The following ANGPT1 variants were observed in gnomAD, a reference collection of about 807,000 sequenced individuals.
ANGPT1 encodes angiopoietin-1.
ANGPT1 carries 17 observed loss-of-function variants against 62.2 expected under a neutral mutation model. The ratio of observed to expected loss-of-function variants is 0.27; its 90% CI spans 0.19 to 0.41. The LOEUF (loss-of-function observed/expected upper bound fraction) is 0.41. Among genes scored for constraint, ANGPT1 ranks in the 10% least tolerant of loss-of-function variants. The probability of loss-of-function intolerance (pLI) is 1.00; values close to 1 mark genes in which losing one functional copy is unlikely to be tolerated. For synonymous variants in ANGPT1, 199 were observed against 198.9 expected (o/e 1.00, Z 0.00); for missense variants, 478 against 594.9 (o/e 0.80, Z 2.04).
At chr8:107,363,221 G>T (rs1017422612) in intron 1 of ANGPT1, among the ~76,000 whole-genome samples, 1 of 151,218 alleles carries the variant, frequency 6.6e-6, no homozygotes, top group Non-Finnish European at 1.5e-5. Context: ...AAAGTTTCTT[G>T]TAATGATCAA....
intron 1 of ANGPT1, among the ~76,000 whole-genome samples, chr8:107,448,189 A>G (rs1225879439): frequency 2.6e-5 from 4 of 152,222 alleles, no homozygotes; most frequent in Admixed American, 2.6e-4. Flanking sequence ...AATTACATAT[A>G]AGGACTTACT....
At chr8:107,264,476 A>G in intron 7 of ANGPT1, 125 bp from the exon 8 acceptor site, 1 of 1,219,262 alleles carries the variant, frequency 8.2e-7, no homozygotes. Flanking sequence ...AGCCCTTCCA[A>G]CAAACCTCTA....
chr8:107,354,085 C>T (rs917770018), intron 1 of ANGPT1, among the ~76,000 whole-genome samples: 6 of 152,106 alleles, frequency 3.9e-5, no homozygotes, highest in Admixed American at 3.3e-4. Context: ...CTTGTGGCTG[C>T]TGAAAGTTGC....
intron 4 of ANGPT1, among the ~76,000 whole-genome samples, chr8:107,321,342 C>T (rs1446935827): frequency 6.6e-6 from 1 of 152,220 alleles, no homozygotes; most frequent in South Asian, 2.1e-4. Flanking sequence ...CTATCCTGCA[C>T]AGGACTAAGC....
chr8:107,337,475 A>G (rs527487129), intron 2 of ANGPT1, among the ~76,000 whole-genome samples: 18 of 152,088 alleles, frequency 1.2e-4, no homozygotes, highest in African/African-American at 3.9e-4. Context: ...AAGAATGCAC[A>G]CTCCAGTCCT....
intron 1 of ANGPT1, among the ~76,000 whole-genome samples, chr8:107,427,291 C>T (rs1260241276): frequency 1.3e-5 from 2 of 152,166 alleles, no homozygotes; most frequent in Non-Finnish European, 2.9e-5. Flanking sequence ...TTTCAACGTT[C>T]CTGCACTGTC....
At chr8:107,333,721 C>T (rs1228588392) in intron 3 of ANGPT1, among the ~76,000 whole-genome samples, 2 of 151,836 alleles carry the variant, frequency 1.3e-5, no homozygotes, top group African/African-American at 4.8e-5. Context: ...CTTTTGAGAG[C>T]TTGCACCCTA....
At chr8:107,442,521 A>G (rs996108791) in intron 1 of ANGPT1, among the ~76,000 whole-genome samples, 1 of 152,206 alleles carries the variant, frequency 6.6e-6, no homozygotes, top group Non-Finnish European at 1.5e-5. Flanking sequence ...AAGAGTAAGC[A>G]AACCAAGTCC....
intron 1 of ANGPT1, among the ~76,000 whole-genome samples, chr8:107,401,212 C>G (rs1299081307): frequency 6.6e-6 from 1 of 151,814 alleles, no homozygotes; most frequent in Non-Finnish European, 1.5e-5. Flanking sequence ...ATTTTTCTAC[C>G]GTTTAGCACT....
At chr8:107,370,406 A>G (rs1374897513) in intron 1 of ANGPT1, among the ~76,000 whole-genome samples, 4 of 145,708 alleles carry the variant, frequency 2.7e-5, no homozygotes, top group African/African-American at 5.2e-5. Context: ...GAAAGAAAGA[A>G]AGAGTCAGGG....
intron 1 of ANGPT1, among the ~76,000 whole-genome samples, chr8:107,427,243 G>A (rs1232416450): frequency 1.3e-5 from 2 of 152,130 alleles, no homozygotes; most frequent in Admixed American, 1.3e-4. Context: ...TGGAGGAATG[G>A]GGGTTAGGGG....
intron 1 of ANGPT1, among the ~76,000 whole-genome samples, chr8:107,403,804 T>A (rs1380574834): frequency 2.6e-5 from 4 of 152,154 alleles, no homozygotes; most frequent in African/African-American, 9.6e-5. Flanking sequence ...TCAATGTTCC[T>A]TGGCTCTGCT....
intron 2 of ANGPT1, among the ~76,000 whole-genome samples, chr8:107,337,402 A>G (rs561837355): frequency 1.3e-5 from 2 of 152,164 alleles, no homozygotes; most frequent in African/African-American, 4.8e-5. Context: ...CCATGTGTCC[A>G]GCTGGGCCTT....
intron 1 of ANGPT1, among the ~76,000 whole-genome samples, chr8:107,405,334 A>C (rs1300962183): frequency 1.3e-5 from 2 of 151,822 alleles, no homozygotes; most frequent in Admixed American, 6.6e-5. Flanking sequence ...TATATTGCAA[A>C]TAAATGTACT....
At chr8:107,460,903 T>G (rs1371282614) in intron 1 of ANGPT1, among the ~76,000 whole-genome samples, 2 of 152,164 alleles carry the variant, frequency 1.3e-5, no homozygotes, top group Non-Finnish European at 2.9e-5. Flanking sequence ...TTCGACCTTT[T>G]GTTAGATTTG....
At chr8:107,413,105 G>A (rs1021305526) in intron 1 of ANGPT1, among the ~76,000 whole-genome samples, 6 of 152,072 alleles carry the variant, frequency 3.9e-5, no homozygotes, top group African/African-American at 1.4e-4. Context: ...TTATCAAAAG[G>A]GATAAGTTTA....
intron 1 of ANGPT1, among the ~76,000 whole-genome samples, chr8:107,486,973 T>C: frequency 6.6e-6 from 1 of 152,206 alleles, no homozygotes; most frequent in East Asian, 1.9e-4. Flanking sequence ...ACTGGTTTCC[T>C]GCCCTTTGTT....
chr8:107,470,961 G>C (rs1215796073), intron 1 of ANGPT1, among the ~76,000 whole-genome samples: 1 of 152,106 alleles, frequency 6.6e-6, no homozygotes, highest in East Asian at 1.9e-4. Context: ...GTGTAAATTA[G>C]TTCAACCATT....
intron 1 of ANGPT1, among the ~76,000 whole-genome samples, chr8:107,367,075 C>T (rs1248567878): frequency 6.6e-6 from 1 of 152,122 alleles, no homozygotes; most frequent in African/African-American, 2.4e-5. Flanking sequence ...AAGCCATCCC[C>T]AGATCCCGAA....
Sources: allele counts gnomAD v4.1 joint callset (sites outside exome capture counted in the v4.1 genomes callset), GRCh38; gene constraint gnomAD v4.1.1; transcripts MANE v1.5; gene names NCBI Gene and HGNC (gene_info 2026-07-23, HGNC 2026-07-21).